The following MAML2 variants were observed in gnomAD, a reference collection of about 807,000 sequenced individuals.
MAML2 encodes mastermind like transcriptional coactivator 2, also known as mastermind-like protein 2.
MAML2 carries 22 observed loss-of-function variants against 96.1 expected under a neutral mutation model. The observed-to-expected ratio is 0.23, with a 90% confidence interval of 0.16 to 0.33. The LOEUF (loss-of-function observed/expected upper bound fraction) is 0.33. Among genes scored for constraint, MAML2 ranks in the 10% least tolerant of loss-of-function variants. The pLI, the probability that MAML2 is intolerant of heterozygous loss-of-function variation, is 1.00. For missense variants in MAML2, 1,367 were observed against 1,392.4 expected (o/e 0.98, Z 0.29); for synonymous variants, 561 against 521.3 (o/e 1.08, Z -1.04).
At chr11:96,314,174 T>C (rs1863595189) in intron 1 of MAML2, among the ~76,000 whole-genome samples, 1 of 152,242 alleles carries the variant, frequency 6.6e-6, no homozygotes, top group African/African-American at 2.4e-5. Context: ...AAGATTTTGC[T>C]TAACTTGAGC....
At chr11:96,113,832 C>T (rs1008929179) in intron 1 of MAML2, among the ~76,000 whole-genome samples, 3 of 152,004 alleles carry the variant, frequency 2.0e-5, no homozygotes, top group African/African-American at 7.3e-5. Context: ...CCACTGAAAG[C>T]ATATGAAGGC....
At position 96,056,630 on chromosome 11, in the gene MAML2, T is replaced by C. The variant is rs552982618; in HGVS notation, c.2139+35262A>G. Among the ~76,000 whole-genome samples, 2 of 152,206 alleles carry C rather than the reference T, an allele frequency of 1.3e-5. 1 individual carries two copies. Among genetic ancestry groups the C allele is most frequent in the South Asian group, 4.1e-4 (2 of 4,838 alleles). ...ATGCAAGGTTAGAACATTTGAAGCA[T>C]GAGAATACTGATTTACATGGAAGCT... On this transcript the variant is annotated intron_variant, in intron 2 of 4. Coordinates refer to ENST00000524717, the MANE Select transcript of MAML2 (RefSeq NM_032427.4).
intron 2 of MAML2, among the ~76,000 whole-genome samples, chr11:96,080,750 G>A (rs1253530116): frequency 2.0e-5 from 3 of 152,184 alleles, no homozygotes; most frequent in Admixed American, 6.5e-5. Context: ...TTTCTTCATG[G>A]TGATTTTGAA....
At chr11:96,197,540 C>A (rs1256477434) in intron 1 of MAML2, among the ~76,000 whole-genome samples, 1 of 152,156 alleles carries the variant, frequency 6.6e-6, no homozygotes, top group Non-Finnish European at 1.5e-5. Flanking sequence ...TATTTGTTTT[C>A]CATTTCTCAT....
intron 1 of MAML2, among the ~76,000 whole-genome samples, chr11:96,246,013 T>A (rs1435845583): frequency 6.6e-6 from 1 of 152,090 alleles, no homozygotes; most frequent in African/African-American, 2.4e-5. Flanking sequence ...GCTTAATTCT[T>A]TATATTTCAC....
intron 1 of MAML2, among the ~76,000 whole-genome samples, chr11:96,146,164 T>C (rs1860815511): frequency 6.6e-6 from 1 of 152,222 alleles, no homozygotes; most frequent in Admixed American, 6.5e-5. Flanking sequence ...GGTAGCATGG[T>C]ATCTTACATA....
chr11:96,251,143 T>C (rs1220300962), intron 1 of MAML2, among the ~76,000 whole-genome samples: 1 of 152,240 alleles, frequency 6.6e-6, no homozygotes, highest in East Asian at 1.9e-4. Context: ...TCTTCTGCCA[T>C]TGATGTTGCC....
chr11:96,341,215 T>C (rs1000897580), intron 1 of MAML2, among the ~76,000 whole-genome samples, 168 bp downstream of exon 1: 3 of 152,156 alleles, frequency 2.0e-5, no homozygotes, highest in Non-Finnish European at 4.4e-5. Context: ...CAGAACATGA[T>C]GAGTAGGCGC....
chr11:96,267,782 GCTGTCCCTC>G (rs1862850723), intron 1 of MAML2, among the ~76,000 whole-genome samples: 2 of 152,196 alleles, frequency 1.3e-5, no homozygotes, highest in African/African-American at 4.8e-5. Flanking sequence ...TTATGGGAGG[GCTGTCCCTC>G]AAGCATGGTG....
intron 2 of MAML2, among the ~76,000 whole-genome samples, chr11:96,069,501 C>T (rs932189673): frequency 1.3e-5 from 2 of 151,634 alleles, no homozygotes; most frequent in African/African-American, 4.8e-5. Context: ...TGGTAAAACC[C>T]CATCTCTACA....
intron 1 of MAML2, among the ~76,000 whole-genome samples, chr11:96,153,928 A>C (rs1345128436): frequency 6.7e-5 from 4 of 59,344 alleles, no homozygotes; most frequent in Admixed American, 2.5e-4. Flanking sequence ...TAAATAAATA[A>C]ATAAATAAAT....
chr11:96,168,325 G>T (rs961488720), intron 1 of MAML2, among the ~76,000 whole-genome samples: 1 of 152,118 alleles, frequency 6.6e-6, no homozygotes, highest in Non-Finnish European at 1.5e-5. Flanking sequence ...AATAAAAGCT[G>T]ACTGAATTAG....
chr11:96,323,268 G>T (rs1244067572), intron 1 of MAML2, among the ~76,000 whole-genome samples: 1 of 152,086 alleles, frequency 6.6e-6, no homozygotes, highest in Non-Finnish European at 1.5e-5. Flanking sequence ...CCCAAAGAAG[G>T]TTCCAGTGAT....
intron 1 of MAML2, among the ~76,000 whole-genome samples, chr11:96,174,142 C>A (rs941391668): frequency 6.6e-6 from 1 of 152,218 alleles, no homozygotes; most frequent in Non-Finnish European, 1.5e-5. Flanking sequence ...AAATTCGCCT[C>A]TCCTTTCCTT....
intron 1 of MAML2, among the ~76,000 whole-genome samples, chr11:96,100,373 G>A (rs1181477128): frequency 1.3e-5 from 2 of 150,462 alleles, no homozygotes; most frequent in Admixed American, 6.6e-5. Context: ...GCAGTGGCAC[G>A]ATCTTGGCTC....
chr11:96,100,248 TTTTG>T (rs938443652), intron 1 of MAML2, among the ~76,000 whole-genome samples: 5 of 152,146 alleles, frequency 3.3e-5, no homozygotes, highest in Admixed American at 3.3e-4. Flanking sequence ...TGTGAGGTGT[TTTTG>T]TTTGTTTGTT....
chr11:96,219,597 T>G (rs138747867), intron 1 of MAML2, among the ~76,000 whole-genome samples: 224 of 152,310 alleles, frequency 1.5e-3, no homozygotes, highest in Admixed American at 2.8e-3. Flanking sequence ...TTTGTAACCC[T>G]GAACAAACAT....
At chr11:96,023,254 C>T (rs932068351) in intron 2 of MAML2, among the ~76,000 whole-genome samples, 6 of 152,150 alleles carry the variant, frequency 3.9e-5, no homozygotes, top group African/African-American at 1.4e-4. Flanking sequence ...TCGCGATGGG[C>T]AGAGGTACAA....
At chr11:96,269,468 T>C (rs1229112495) in intron 1 of MAML2, among the ~76,000 whole-genome samples, 1 of 144,606 alleles carries the variant, frequency 6.9e-6, no homozygotes, top group Non-Finnish European at 1.5e-5. Flanking sequence ...AGTAAGTATA[T>C]ATATAATCCA....
Sources: allele counts gnomAD v4.1 joint callset (sites outside exome capture counted in the v4.1 genomes callset), GRCh38; gene constraint gnomAD v4.1.1; transcripts MANE v1.5; gene names NCBI Gene and HGNC (gene_info 2026-07-23, HGNC 2026-07-21).